Variants in CSMD1 observed in about 807,000 individuals in gnomAD.
The protein encoded by CSMD1 is CUB and Sushi multiple domains 1, also known as CUB and sushi domain-containing protein 1.
Under a neutral mutation model 417.5 loss-of-function variants are expected in CSMD1, and 213 were observed. The ratio of observed to expected loss-of-function variants is 0.51; its 90% CI spans 0.46 to 0.57. The LOEUF (loss-of-function observed/expected upper bound fraction) is 0.57, where lower values mean the gene tolerates loss of function less well. Ranked by LOEUF, CSMD1 falls within the 20% of genes least tolerant of loss-of-function variation. The pLI is 0.00. For synonymous variants in CSMD1, 2,862 were observed against 1,736.8 expected (o/e 1.65, Z -16.11); for missense variants, 6,923 against 4,529.7 (o/e 1.53, Z -15.17).
At chr8:3,768,761 C>G (rs1412232157) in intron 5 of CSMD1, among the ~76,000 whole-genome samples, 1 of 152,226 alleles carries the variant, frequency 6.6e-6, no homozygotes, top group Non-Finnish European at 1.5e-5. Context: ...ACATTATTGA[C>G]ACACTCTCAG....
intron 2 of CSMD1, among the ~76,000 whole-genome samples, chr8:4,421,190 A>T (rs1449606187): frequency 6.6e-6 from 1 of 152,214 alleles, no homozygotes; most frequent in South Asian, 2.1e-4. Flanking sequence ...TTTATGTGTT[A>T]GCGAACGCAA....
chr8:3,802,751 A>G (rs552391728), intron 5 of CSMD1, among the ~76,000 whole-genome samples: 1 of 152,222 alleles, frequency 6.6e-6, no homozygotes, highest in Non-Finnish European at 1.5e-5. Context: ...CAAAAGCGTG[A>G]TGCAAATGCT....
At chr8:4,715,384 A>G (rs1467757731) in intron 1 of CSMD1, among the ~76,000 whole-genome samples, 1 of 152,210 alleles carries the variant, frequency 6.6e-6, no homozygotes, top group Non-Finnish European at 1.5e-5. Context: ...AATTGAATAT[A>G]ATATAAACAT....
intron 3 of CSMD1, among the ~76,000 whole-genome samples, chr8:4,204,659 A>G (rs936446147): frequency 7.9e-5 from 12 of 152,066 alleles, no homozygotes; most frequent in African/African-American, 2.9e-4. Context: ...AAAAATTATT[A>G]TTAGTAGTAT....
chr8:3,020,351 A>G (rs940142728), intron 51 of CSMD1, among the ~76,000 whole-genome samples: 1 of 152,182 alleles, frequency 6.6e-6, no homozygotes, highest in African/African-American at 2.4e-5. Context: ...TGATGCATGT[A>G]CCACTAAAAC....
chr8:3,750,457 A>G (rs1270230295), intron 6 of CSMD1, among the ~76,000 whole-genome samples: 1 of 151,724 alleles, frequency 6.6e-6, no homozygotes, highest in Non-Finnish European at 1.5e-5. Context: ...TTTCACTATA[A>G]TTATTATTGT....
chr8:4,896,273 C>A (rs922663463), intron 1 of CSMD1, among the ~76,000 whole-genome samples: 8 of 152,050 alleles, frequency 5.3e-5, no homozygotes, highest in Non-Finnish European at 1.0e-4. Context: ...ATGCTTTTCC[C>A]TAGCATATCG....
At chr8:4,117,647 G>A (rs918939648) in intron 3 of CSMD1, among the ~76,000 whole-genome samples, 3 of 152,134 alleles carry the variant, frequency 2.0e-5, no homozygotes, top group Non-Finnish European at 2.9e-5. Flanking sequence ...TGAAGCGCCC[G>A]CACTTCTGGG....
At chr8:3,991,077 C>T (rs992562446) in intron 5 of CSMD1, among the ~76,000 whole-genome samples, 3 of 152,184 alleles carry the variant, frequency 2.0e-5, no homozygotes, top group South Asian at 2.1e-4. Flanking sequence ...GAAATTCCTT[C>T]GCTGCCCAGC....
At chr8:4,972,604 G>A (rs947835682) in intron 1 of CSMD1, among the ~76,000 whole-genome samples, 3 of 152,012 alleles carry the variant, frequency 2.0e-5, no homozygotes, top group Admixed American at 2.0e-4. Flanking sequence ...CTCACCTCAG[G>A]CAGTTCTTTA....
chr8:3,476,552 T>C (rs1817436801), intron 11 of CSMD1, among the ~76,000 whole-genome samples: 1 of 152,178 alleles, frequency 6.6e-6, no homozygotes, highest in Non-Finnish European at 1.5e-5. Flanking sequence ...CTTTTCCGCT[T>C]GCAATCTCAA....
chr8:4,044,104 G>C (rs1223105020), intron 3 of CSMD1, among the ~76,000 whole-genome samples: 5 of 152,056 alleles, frequency 3.3e-5, no homozygotes, highest in African/African-American at 4.8e-5. Context: ...GATATTATTT[G>C]ATATGATATT....
intron 36 of CSMD1, among the ~76,000 whole-genome samples, chr8:3,181,713 C>G (rs1167151046): frequency 6.6e-6 from 1 of 152,114 alleles, no homozygotes; most frequent in Non-Finnish European, 1.5e-5. Context: ...CCCCCTGGAT[C>G]TGTTGATGAT....
At chr8:3,477,950 G>C (rs1421073095) in intron 11 of CSMD1, among the ~76,000 whole-genome samples, 2 of 152,152 alleles carry the variant, frequency 1.3e-5, no homozygotes, top group African/African-American at 2.4e-5. Flanking sequence ...TGAAAAATAA[G>C]TCAAGGGAGT....
intron 5 of CSMD1, among the ~76,000 whole-genome samples, chr8:3,862,318 G>C (rs1365634909): frequency 6.6e-6 from 1 of 152,096 alleles, no homozygotes; most frequent in Non-Finnish European, 1.5e-5. Context: ...TCTGTCATCT[G>C]CCCAAGGGCG....
intron 7 of CSMD1, among the ~76,000 whole-genome samples, chr8:3,640,139 G>C (rs1157759848): frequency 6.6e-6 from 1 of 152,130 alleles, no homozygotes; most frequent in East Asian, 1.9e-4. Flanking sequence ...ACTTTTTCTT[G>C]CGTAAGACTT....
chr8:3,118,351 T>C, intron 42 of CSMD1, 48 bp downstream of exon 42: 2 of 1,277,728 alleles, frequency 1.6e-6, no homozygotes, highest in Non-Finnish European at 2.2e-6. Flanking sequence ...AATGTGCTAT[T>C]ATGCCCATGA....
chr8:4,894,895 A>T (rs1228705795), intron 1 of CSMD1, among the ~76,000 whole-genome samples: 1 of 152,132 alleles, frequency 6.6e-6, no homozygotes, highest in Non-Finnish European at 1.5e-5. Flanking sequence ...AATCCTTGCC[A>T]AAAATGCACA....
At position 3,520,020 on chromosome 8, in the gene CSMD1, CTATATA is replaced by C. The variant is rs33939239; in HGVS notation, c.1345-26300_1345-26295del. Among the ~76,000 whole-genome samples, 16 of 137,598 alleles carry C rather than the reference CTATATA, an allele frequency of 1.2e-4. 1 individual carries two copies. The highest frequency in any genetic ancestry group is 4.4e-4 in the African/African-American group (15 of 33,886). 90.3% of individuals were successfully genotyped at this position (137,598 alleles called of 152,430 possible). A position where few individuals can be genotyped will look rare whatever the true frequency, so the allele number is the denominator to read the frequency against. On this transcript the variant is annotated intron_variant, in intron 10 of 69. Coordinates refer to ENST00000635120, the MANE Select transcript of CSMD1 (RefSeq NM_033225.6). ...TATATATGTGTGTGTGTGTATATAC[CTATATA>C]TATATATATATATACACGTATAGTT... is the stretch of plus-strand genomic sequence containing the variant.
Sources: gnomAD v4.1 joint callset for allele counts (sites outside exome capture counted in the v4.1 genomes callset) on GRCh38, gnomAD v4.1.1 for gene constraint, MANE v1.5 for transcripts, NCBI Gene and HGNC (gene_info 2026-07-23, HGNC 2026-07-21) for gene names.